The following WDR53 variants were observed in gnomAD, a reference collection of about 807,000 sequenced individuals.
The protein encoded by WDR53 is WD repeat domain 53.
WDR53 carries 19 observed loss-of-function variants against 21.3 expected under a neutral mutation model. The ratio of observed to expected loss-of-function variants is 0.89; its 90% CI spans 0.62 to 1.31. WDR53 has a LOEUF of 1.31. Among genes scored for constraint, WDR53 ranks in the 50% most tolerant of loss-of-function variants. The pLI, the probability that WDR53 is intolerant of heterozygous loss-of-function variation, is 0.00. For missense variants in WDR53, 374 were observed against 423.2 expected, an observed-to-expected ratio of 0.88 and a Z score of 1.02; for synonymous variants, 157 against 163.4, an observed-to-expected ratio of 0.96 and a Z score of 0.30.
At position 196,554,781 on chromosome 3, in the gene WDR53, G is replaced by C; in HGVS notation, c.507C>G (p.Ala169=). 6.2e-7 allele frequency: 1 copy of C among 1,613,844 alleles called. No individual in the cohort carries two copies. The highest frequency in any genetic ancestry group is 1.3e-5 in the African/African-American group (1 of 74,948). The change falls in exon 4 of 4, where the codon GCC becomes GCG. Residue 169 remains alanine (A), a synonymous_variant. Coordinates refer to ENST00000332629, the MANE Select transcript of WDR53 (RefSeq NM_182627.3). The part of the protein sequence containing the change: ...MQVMLWSLQK[A]RPLWITNLQE... ...GTAAATTTGTAATCCAGAGTGGTCGGGCTTTTTGAAGACTCCACAGCATCA... is the reference window on the plus strand; with the variant it reads ...GTAAATTTGTAATCCAGAGTGGTCGCGCTTTTTGAAGACTCCACAGCATCA...
intron 2 of WDR53, among the ~76,000 whole-genome samples, chr3:196,565,227 T>C (rs969090328): frequency 6.6e-6 from 1 of 151,268 alleles, no homozygotes; most frequent in Admixed American, 6.6e-5. Context: ...ATCATTTATC[T>C]AGTCAGAAAA....
chr3:196,556,400 T>C (rs1191964706), intron 3 of WDR53, among the ~76,000 whole-genome samples: 1 of 152,084 alleles, frequency 6.6e-6, no homozygotes, highest in African/African-American at 2.4e-5. Context: ...CTCACACCTC[T>C]AATCCCAGCA....
Position 196,554,483 on chromosome 3 carries a change from C to T in WDR53, c.805G>A (p.Asp269Asn), listed in dbSNP as rs1448814037. The T allele has an allele frequency of 3.1e-6, 5 of 1,614,070 alleles. No homozygotes were observed. The highest frequency in any genetic ancestry group is 4.2e-6 in the Non-Finnish European group (5 of 1,180,008). The change falls in exon 4 of 4, where the codon GAT becomes AAT. Residue 269 changes from aspartate to asparagine, a missense_variant. Asp to Asn is a conservative substitution (Grantham distance 23). Coordinates refer to ENST00000332629, the MANE Select transcript of WDR53 (RefSeq NM_182627.3). ...TTTTTCTCAACTTCACTGTTTGCATCCCACAACGTGATCTTCCCATCATTC... is the reference window on the plus strand; with the variant it reads ...TTTTTCTCAACTTCACTGTTTGCATTCCACAACGTGATCTTCCCATCATTC... ...GGNDGKITLWDANSEVEKKQK... is the reference protein window; with the variant it reads ...GGNDGKITLWNANSEVEKKQK...
At chr3:196,555,140 A>G (rs1346766681) in intron 3 of WDR53, among the ~76,000 whole-genome samples, 1 of 152,184 alleles carries the variant, frequency 6.6e-6, no homozygotes, top group Non-Finnish European at 1.5e-5. Flanking sequence ...AAGATTATCA[A>G]ATTTGCTAGT....
intron 2 of WDR53, 127 bp from the exon 3 acceptor site, chr3:196,561,618 T>A (rs1734882640): frequency 3.0e-6 from 3 of 990,924 alleles, no homozygotes; most frequent in South Asian, 2.4e-5. Context: ...AAAACTCAAT[T>A]AATTAAAAAA....
chr3:196,561,444 G>T lies in WDR53; in HGVS notation c.32C>A (p.Ser11Tyr). The change falls in exon 3 of 4, where the codon TCT (serine) becomes TAT (tyrosine). Residue 11 changes from serine to tyrosine, a missense_variant. Transcript: ENST00000332629. MAVKWTGGHS[S>Y]PVLCLNASKE... ...ACTTGCATTCAGGCAGAGGACAGGA[G>T]AAGAATGCCCACCCGTCCACTTGAC... 6.2e-7 allele frequency: 1 copy of T among 1,613,900 alleles called. No homozygotes were observed. Among genetic ancestry groups the T allele is most frequent in the Non-Finnish European group, 8.5e-7 (1 of 1,179,974 alleles).
chr3:196,556,922 G>T (rs75037203), intron 3 of WDR53, among the ~76,000 whole-genome samples: 1 of 152,104 alleles, frequency 6.6e-6, no homozygotes, highest in Non-Finnish European at 1.5e-5. Context: ...TCATTTCCAC[G>T]TATTGAGGAT....
rs1226994641 is a variant in WDR53 at position 196,567,096 on chromosome 3, G to A, written c.-236C>T. ...CCCGTTCAAGAGTCTGTGCCTCTAAGGCTGTTCATTCTGTCTAGTTCATGA... is the reference window on the plus strand; with the variant it reads ...CCCGTTCAAGAGTCTGTGCCTCTAAAGCTGTTCATTCTGTCTAGTTCATGA... On this transcript the variant is annotated 5_prime_UTR_variant, in exon 2 of 4. Coordinates refer to ENST00000332629, the MANE Select transcript of WDR53 (RefSeq NM_182627.3). 6.6e-6 allele frequency: 3 copies of A among 455,826 alleles called. No homozygotes were observed. Among genetic ancestry groups the A allele is most frequent in the South Asian group, 1.6e-5 (1 of 64,454 alleles). The allele number at this position is 455,826 out of a possible 1,614,324, so 28.2% of individuals were successfully genotyped here.
At chr3:196,558,280 A>C (rs947739139) in intron 3 of WDR53, among the ~76,000 whole-genome samples, 19 of 152,098 alleles carry the variant, frequency 1.2e-4, no homozygotes, top group African/African-American at 4.3e-4. Flanking sequence ...ATCATGGCTC[A>C]CTACAACCTC....
chr3:196,560,593 TA>T (rs1734740172), intron 3 of WDR53, among the ~76,000 whole-genome samples: 1 of 152,164 alleles, frequency 6.6e-6, no homozygotes, highest in Non-Finnish European at 1.5e-5. Flanking sequence ...TGATCACCAA[TA>T]CACACTATTT....
At chr3:196,557,404 G>C (rs1734426114) in intron 3 of WDR53, among the ~76,000 whole-genome samples, 1 of 152,142 alleles carries the variant, frequency 6.6e-6, no homozygotes, top group Admixed American at 6.6e-5. Context: ...AAATTAGCTG[G>C]GTGTGTCGGC....
Position 196,554,701 on chromosome 3 carries a change from T to C in WDR53, c.587A>G (p.Asn196Ser). ...EGPQSPGQLL[N>S]PALAHSISVA... ...AGAGATAGAATGGGCTAGGGCAGGG[T>C]TTAAGAGCTGACCAGGTGACTGTGG... The change falls in exon 4 of 4, where the codon AAC becomes AGC. Residue 196 changes from asparagine to serine, a missense_variant. Transcript: ENST00000332629. The C allele has an allele frequency of 1.2e-6, 2 of 1,614,098 alleles. 1 individual carries two copies. Among genetic ancestry groups the C allele is most frequent in the South Asian group, 2.2e-5 (2 of 91,074 alleles).
intron 2 of WDR53, 66 bp from the exon 3 acceptor site, chr3:196,561,557 TG>T (rs1734877194): frequency 7.0e-7 from 1 of 1,423,248 alleles, no homozygotes; most frequent in East Asian, 2.4e-5. Context: ...AGGAGACAGA[TG>T]TAATAAACAA....
chr3:196,562,426 T>C (rs912136995), intron 2 of WDR53, among the ~76,000 whole-genome samples: 4 of 152,164 alleles, frequency 2.6e-5, no homozygotes, highest in African/African-American at 9.7e-5. Flanking sequence ...CATGCCTGGC[T>C]AATTTTTGTA....
At chr3:196,560,305 T>TGC (rs1560303545) in intron 3 of WDR53, among the ~76,000 whole-genome samples, 2 of 151,390 alleles carry the variant, frequency 1.3e-5, no homozygotes, top group East Asian at 3.9e-4. Context: ...TGCAGTGGCA[T>TGC]GATCTCGGCT....
chr3:196,568,035 G>A (rs1017524292), intron 1 of WDR53, among the ~76,000 whole-genome samples: 5 of 151,996 alleles, frequency 3.3e-5, no homozygotes, highest in East Asian at 1.9e-4. Flanking sequence ...TCTCCCTATT[G>A]GAATGTTTAA....
chr3:196,561,100 T>C lies in WDR53; in HGVS notation c.376A>G (p.Lys126Glu). 1 of 1,614,254 alleles carries C rather than the reference T, an allele frequency of 6.2e-7. No individual in the cohort carries two copies. The highest frequency in any genetic ancestry group is 8.5e-7 in the Non-Finnish European group (1 of 1,180,052). The change falls in exon 3 of 4, where the codon AAG (lysine) becomes GAG (glutamate). Residue 126 changes from lysine (K) to glutamate (E), a missense_variant. Coordinates refer to ENST00000332629, the MANE Select transcript of WDR53 (RefSeq NM_182627.3). ...CTCTTCAAGGATCTGATAACTTTCT[T>C]GTTTTCCAAGTCTAGGATTTTGATT... ...GAIKILDLEN[K>E]KVIRSLKRHS...
intron 3 of WDR53, among the ~76,000 whole-genome samples, chr3:196,560,057 C>T (rs1349036919): frequency 6.6e-6 from 1 of 152,098 alleles, no homozygotes; most frequent in African/African-American, 2.4e-5. Context: ...TATTTGAAAA[C>T]GTTTACATTA....
At chr3:196,559,440 C>G (rs1467850080) in intron 3 of WDR53, among the ~76,000 whole-genome samples, 5 of 152,050 alleles carry the variant, frequency 3.3e-5, no homozygotes, top group African/African-American at 1.2e-4. Flanking sequence ...TGCAGGACAC[C>G]CACTGATTCT....
Sources: gnomAD v4.1 joint callset for allele counts (sites outside exome capture counted in the v4.1 genomes callset) on GRCh38, gnomAD v4.1.1 for gene constraint, MANE v1.5 for transcripts, NCBI Gene and HGNC (gene_info 2026-07-23, HGNC 2026-07-21) for gene names.